LOC400499: variants seen among roughly 807,000 people sequenced by gnomAD.
At chr16:11,379,914 C>G in the LOC400499 span, among the ~76,000 whole-genome samples, 9 of 152,140 alleles carry the variant, frequency 5.9e-5, no homozygotes, top group Non-Finnish European at 1.2e-4. Context: ...ACAAATACCC[C>G]ACTCTTTGAC....
the LOC400499 span, chr16:11,439,618 C>G: frequency 1.0e-5 from 4 of 398,932 alleles, no homozygotes; most frequent in Non-Finnish European, 1.8e-5. Context: ...TCAGAGGGAA[C>G]AGAGAGAGAG....
chr16:11,469,477 C>A, the LOC400499 span: 58 of 398,970 alleles, frequency 1.5e-4, 2 homozygotes, highest in Non-Finnish European at 1.1e-4. Flanking sequence ...GAGTGAGGGG[C>A]GCAGTGAGCA....
chr16:11,403,356 C>G, the LOC400499 span, among the ~76,000 whole-genome samples: 9 of 152,238 alleles, frequency 5.9e-5, no homozygotes, highest in Non-Finnish European at 1.3e-4. Context: ...ACCTGCAACA[C>G]TGTCAACACC....
the LOC400499 span, among the ~76,000 whole-genome samples, chr16:11,481,700 T>C: frequency 6.6e-6 from 1 of 152,238 alleles, no homozygotes; most frequent in Non-Finnish European, 1.5e-5. Flanking sequence ...TGGTGCTATC[T>C]TGGCTCTCGG....
At chr16:11,375,732 ATT>A in the LOC400499 span, among the ~76,000 whole-genome samples, 8 of 130,636 alleles carry the variant, frequency 6.1e-5, no homozygotes, top group Non-Finnish European at 8.0e-5. Flanking sequence ...TCCTTTGTAC[ATT>A]TTTTTTTTTT....
the LOC400499 span, chr16:11,460,431 G>C: frequency 6.8e-7 from 1 of 1,478,726 alleles, no homozygotes; most frequent in Non-Finnish European, 9.0e-7. Context: ...CCACTTGCCT[G>C]ACTCTAGTGC....
the LOC400499 span, among the ~76,000 whole-genome samples, chr16:11,437,070 G>C: frequency 6.6e-6 from 1 of 152,188 alleles, no homozygotes; most frequent in Non-Finnish European, 1.5e-5. Flanking sequence ...ATCTGAAAAG[G>C]CTGCATACTG....
chr16:11,519,050 T>C, the LOC400499 span: 1 of 398,718 alleles, frequency 2.5e-6, no homozygotes, highest in Admixed American at 4.4e-5. Context: ...CACAAAGCAG[T>C]TCTAGGGCCC....
chr16:11,520,427 T>C, the LOC400499 span, among the ~76,000 whole-genome samples: 4 of 151,926 alleles, frequency 2.6e-5, no homozygotes, highest in African/African-American at 7.3e-5. Flanking sequence ...GAGGCCGAGG[T>C]GGGCAGATCA....
the LOC400499 span, among the ~76,000 whole-genome samples, chr16:11,489,725 T>G: frequency 6.6e-6 from 1 of 151,994 alleles, no homozygotes; most frequent in Non-Finnish European, 1.5e-5. Context: ...TGAGGAGGGG[T>G]TTAGCACACA....
chr16:11,387,145 C>T, the LOC400499 span: 4 of 1,232,128 alleles, frequency 3.2e-6, no homozygotes, highest in Admixed American at 4.2e-5. Context: ...GGCGTCTGAG[C>T]CAGTAGTACT....
the LOC400499 span, chr16:11,385,208 C>G: frequency 4.9e-6 from 6 of 1,231,996 alleles, no homozygotes; most frequent in East Asian, 1.6e-4. Context: ...CTCTCCTGCT[C>G]ACCTGCAGAC....
the LOC400499 span, among the ~76,000 whole-genome samples, chr16:11,497,797 CAA>C: frequency 6.7e-6 from 1 of 150,104 alleles, no homozygotes; most frequent in African/African-American, 2.5e-5. Context: ...AACCACATCG[CAA>C]AGAGAAGAAC....
chr16:11,508,850 C>G, the LOC400499 span: 4 of 399,102 alleles, frequency 1.0e-5, no homozygotes, highest in Middle Eastern at 6.3e-4. Context: ...TCTCTATCAT[C>G]TGGATCTGAG....
chr16:11,450,760 G>A, the LOC400499 span: 9 of 1,536,028 alleles, frequency 5.9e-6, no homozygotes, highest in East Asian at 9.8e-5. Flanking sequence ...AGCTCGGTGT[G>A]GCCAGTATAG....
At chr16:11,449,323 A>G in the LOC400499 span, among the ~76,000 whole-genome samples, 1 of 152,110 alleles carries the variant, frequency 6.6e-6, no homozygotes, top group East Asian at 1.9e-4. Context: ...TGTTGCCCCA[A>G]CCCTGAGCAG....
chr16:11,386,299 A>G, the LOC400499 span, among the ~76,000 whole-genome samples: 1 of 152,162 alleles, frequency 6.6e-6, no homozygotes, highest in Non-Finnish European at 1.5e-5. Flanking sequence ...TCTATGGTGC[A>G]CAGCCAGGCA....
the LOC400499 span, among the ~76,000 whole-genome samples, chr16:11,438,772 G>A: frequency 2.0e-5 from 3 of 151,956 alleles, no homozygotes; most frequent in Non-Finnish European, 4.4e-5. Context: ...CCAGCTAACA[G>A]AGTGAGATCC....
the LOC400499 span, among the ~76,000 whole-genome samples, chr16:11,469,023 TG>T: frequency 6.6e-6 from 1 of 152,350 alleles, no homozygotes; most frequent in South Asian, 2.1e-4. Context: ...TATACATTTC[TG>T]GGTAATAGAA....
Sources: allele counts gnomAD v4.1 joint callset (sites outside exome capture counted in the v4.1 genomes callset), GRCh38; gene constraint gnomAD v4.1.1; transcripts MANE v1.5.